Variants in NRG3 observed in about 807,000 individuals in gnomAD.
NRG3 encodes the protein pro-neuregulin-3, membrane-bound isoform.
Under a neutral mutation model 66.9 loss-of-function variants are expected in NRG3, and 31 were observed. The ratio of observed to expected loss-of-function variants is 0.46; its 90% CI spans 0.35 to 0.63. The LOEUF (loss-of-function observed/expected upper bound fraction) is 0.63. Ranked by LOEUF, NRG3 falls within the 20% of genes least tolerant of loss-of-function variation. The pLI, the probability that NRG3 is intolerant of heterozygous loss-of-function variation, is 0.00. For missense variants in NRG3, 910 were observed against 878.9 expected (o/e 1.04, Z -0.45); for synonymous variants, 393 against 359.4 (o/e 1.09, Z -1.06).
chr10:82,921,495 T>C lies in NRG3; in HGVS notation c.1055-29974T>C, dbSNP rs542639896. On this transcript the variant is annotated intron_variant, in intron 4 of 8. Coordinates refer to ENST00000372141, the MANE Select transcript of NRG3 (RefSeq NM_001010848.4). ...GATTCATTCATTGTGACGAACGTAC[T>C]GTACTAATGTAAGATGTTGATAGGT... 2.0e-4 allele frequency among the ~76,000 whole-genome samples: 30 copies of C among 152,290 alleles called. No homozygotes were observed. In the South Asian group the frequency reaches 5.2e-3, roughly 26 times the overall value.
At position 81,958,628 on chromosome 10, in the gene NRG3, C is replaced by T. The variant is rs114766364; in HGVS notation, c.823+82465C>T. Among the ~76,000 whole-genome samples, 848 of 152,236 alleles carry T rather than the reference C, an allele frequency of 5.6e-3. 3 individuals are homozygous for T. The highest frequency in any genetic ancestry group is 0.019 in the African/African-American group (790 of 41,526). On this transcript the variant is annotated intron_variant, in intron 1 of 8. Coordinates refer to ENST00000372141, the MANE Select transcript of NRG3 (RefSeq NM_001010848.4). ...CACATAAACAGATATACAGGCTGGG[C>T]ATGGTGGCTCATGCCTGTAATCCCG...
chr10:82,101,505 G>A (rs2066719870), intron 1 of NRG3, among the ~76,000 whole-genome samples: 1 of 151,628 alleles, frequency 6.6e-6, no homozygotes, highest in South Asian at 2.1e-4. Flanking sequence ...TAATTTAGCT[G>A]TCCCACATAT....
At chr10:82,887,383 G>T (rs1258493564) in intron 4 of NRG3, among the ~76,000 whole-genome samples, 1 of 152,158 alleles carries the variant, frequency 6.6e-6, no homozygotes, top group Non-Finnish European at 1.5e-5. Flanking sequence ...AAAAAATATG[G>T]TTGAAAGAGT....
intron 1 of NRG3, among the ~76,000 whole-genome samples, chr10:82,084,977 T>C (rs578118900): frequency 2.6e-5 from 4 of 152,258 alleles, no homozygotes; most frequent in African/African-American, 9.6e-5. Context: ...CTAGCTATGT[T>C]GGGCAACTAG....
In NRG3 at chr10:82,262,754, G is replaced by A. The variant is rs975799044; in HGVS notation, c.824-95985G>A. 2.6e-5 allele frequency among the ~76,000 whole-genome samples: 4 copies of A among 152,198 alleles called. No homozygotes were observed. In the East Asian group the frequency reaches 5.8e-4, roughly 22 times the overall value. On this transcript the variant is annotated intron_variant, in intron 1 of 8. Transcript: ENST00000372141. ...GAGTACTTACTGACTGCTAGGCGCA[G>A]TGTGCCTTCTATATGTGATCTGCTT...
At chr10:82,583,090 T>A (rs2046458492) in intron 2 of NRG3, among the ~76,000 whole-genome samples, 1 of 152,150 alleles carries the variant, frequency 6.6e-6, no homozygotes, top group South Asian at 2.1e-4. Flanking sequence ...TCAATGGTTT[T>A]AATGGGAATT....
At chr10:82,213,868 AGG>A (rs2075526642) in intron 1 of NRG3, among the ~76,000 whole-genome samples, 2 of 152,154 alleles carry the variant, frequency 1.3e-5, no homozygotes, top group Non-Finnish European at 2.9e-5. Flanking sequence ...AGGAATCTGG[AGG>A]TAAGTAGCAC....
intron 1 of NRG3, among the ~76,000 whole-genome samples, chr10:82,250,016 A>T (rs926871096): frequency 6.6e-6 from 1 of 152,180 alleles, no homozygotes; most frequent in Non-Finnish European, 1.5e-5. Flanking sequence ...CAGAATAAGA[A>T]GTACTTCCTC....
intron 4 of NRG3, among the ~76,000 whole-genome samples, chr10:82,903,848 A>G (rs1844467124): frequency 6.6e-6 from 1 of 152,106 alleles, no homozygotes. Context: ...CAGATTCCCT[A>G]TAACTTCCAC....
intron 1 of NRG3, among the ~76,000 whole-genome samples, chr10:82,197,459 T>C (rs1054807806): frequency 6.6e-6 from 1 of 152,138 alleles, no homozygotes; most frequent in Non-Finnish European, 1.5e-5. Context: ...GTGGAAAGTA[T>C]AGAAAATTAA....
chr10:82,256,879 T>C (rs2077755905), intron 1 of NRG3, among the ~76,000 whole-genome samples: 1 of 152,166 alleles, frequency 6.6e-6, no homozygotes, highest in Non-Finnish European at 1.5e-5. Context: ...TCTCTATCTA[T>C]GATGAGAGGC....
intron 5 of NRG3, among the ~76,000 whole-genome samples, chr10:82,953,161 G>A (rs932376121): frequency 6.6e-6 from 1 of 151,946 alleles, no homozygotes; most frequent in African/African-American, 2.4e-5. Flanking sequence ...TGTGGCAGTT[G>A]TAACTATCAA....
At chr10:81,970,131 A>C in intron 1 of NRG3, among the ~76,000 whole-genome samples, 1 of 152,250 alleles carries the variant, frequency 6.6e-6, no homozygotes, top group African/African-American at 2.4e-5. Context: ...ATACTTTAAA[A>C]GTAACTTTTC....
intron 3 of NRG3, among the ~76,000 whole-genome samples, chr10:82,830,657 A>G (rs1410524183): frequency 6.6e-6 from 1 of 152,204 alleles, no homozygotes; most frequent in Admixed American, 6.5e-5. Context: ...AAACGACTGC[A>G]CATGAGAATC....
chr10:81,888,936 C>T (rs1250249812), intron 1 of NRG3, among the ~76,000 whole-genome samples: 1 of 152,130 alleles, frequency 6.6e-6, no homozygotes, highest in East Asian at 1.9e-4. Context: ...AAGATATTGT[C>T]TCTGATTTGT....
intron 1 of NRG3, among the ~76,000 whole-genome samples, chr10:81,940,048 A>T (rs1848271704): frequency 6.6e-6 from 1 of 152,040 alleles, no homozygotes; most frequent in Non-Finnish European, 1.5e-5. Flanking sequence ...TCAAGAATGT[A>T]TTATTTTCAT....
chr10:82,122,878 C>A lies in NRG3; in HGVS notation c.824-235861C>A, dbSNP rs80080913. Among the ~76,000 whole-genome samples, 3 of 151,962 alleles carry A rather than the reference C, an allele frequency of 2.0e-5. No individual in the cohort carries two copies. The East Asian group carries it at 5.8e-4, about 29-fold the overall frequency. Reference sequence around the variant, plus strand: ...CAACTTCTTTTTACTACATGATGTCCGCTGTCATTATAACACCTCTTAATC... The same window carrying A: ...CAACTTCTTTTTACTACATGATGTCAGCTGTCATTATAACACCTCTTAATC... On this transcript the variant is annotated intron_variant, in intron 1 of 8. Coordinates refer to ENST00000372141, the MANE Select transcript of NRG3 (RefSeq NM_001010848.4).
At chr10:82,538,018 G>T (rs2043278125) in intron 2 of NRG3, among the ~76,000 whole-genome samples, 1 of 152,120 alleles carries the variant, frequency 6.6e-6, no homozygotes. Context: ...TAGGTCACCA[G>T]GAATTTATGA....
intron 4 of NRG3, among the ~76,000 whole-genome samples, chr10:82,877,537 C>A (rs1333800407): frequency 1.3e-5 from 1 of 74,942 alleles, no homozygotes; most frequent in Non-Finnish European, 2.3e-5. Context: ...CCACACCCGG[C>A]TTTTTTTTTT....
Sources: allele counts gnomAD v4.1 joint callset (sites outside exome capture counted in the v4.1 genomes callset), GRCh38; gene constraint gnomAD v4.1.1; transcripts MANE v1.5; gene names NCBI Gene and HGNC (gene_info 2026-07-23, HGNC 2026-07-21).